ACAD11: variants seen among roughly 807,000 people sequenced by gnomAD.
ACAD11 encodes acyl-Coenzyme A dehydrogenase family, member 11.
ACAD11 carries 83 observed loss-of-function variants against 102.2 expected under a neutral mutation model. The ratio of observed to expected loss-of-function variants is 0.81; its 90% CI spans 0.68 to 0.97. The LOEUF (loss-of-function observed/expected upper bound fraction) is 0.97. Among genes scored for constraint, ACAD11 ranks in the 50% least tolerant of loss-of-function variants. The pLI is 0.00. For missense variants in ACAD11, 901 were observed against 951.7 expected (o/e 0.95, Z 0.70); for synonymous variants, 324 against 319.8 (o/e 1.01, Z -0.14).
chr3:132,565,730 G>A (rs1937190870), intron 17 of ACAD11, among the ~76,000 whole-genome samples: 1 of 152,162 alleles, frequency 6.6e-6, no homozygotes, highest in African/African-American at 2.4e-5. Flanking sequence ...CTTCTCTTCA[G>A]TAATGAGTTC....
intron 8 of ACAD11, among the ~76,000 whole-genome samples, 192 bp downstream of exon 8, chr3:132,628,148 C>T (rs2305627): frequency 0.37 from 56,825 of 151,956 alleles, 13,330 homozygotes; most frequent in East Asian, 0.71. Context: ...AACCTAAATA[C>T]GGAGATTTTC....
At chr3:132,570,804 C>T (rs1937352976) in intron 17 of ACAD11, among the ~76,000 whole-genome samples, 1 of 152,094 alleles carries the variant, frequency 6.6e-6, no homozygotes, top group South Asian at 2.1e-4. Flanking sequence ...GGATAATGAC[C>T]TCCAGCTCTA....
At chr3:132,649,098 G>A (rs987794573) in intron 1 of ACAD11, among the ~76,000 whole-genome samples, 4 of 152,240 alleles carry the variant, frequency 2.6e-5, no homozygotes, top group South Asian at 2.1e-4. Flanking sequence ...GCGGAAAGCC[G>A]CAGGGACCTC....
intron 13 of ACAD11, among the ~76,000 whole-genome samples, chr3:132,588,572 T>A (rs1032229174): frequency 6.6e-6 from 1 of 152,182 alleles, no homozygotes; most frequent in Non-Finnish European, 1.5e-5. Context: ...CCTCCATTAT[T>A]CCATACTATA....
At chr3:132,626,232 C>T (rs1298684510) in intron 9 of ACAD11, among the ~76,000 whole-genome samples, 1 of 152,148 alleles carries the variant, frequency 6.6e-6, no homozygotes, top group Non-Finnish European at 1.5e-5. Flanking sequence ...TCTCTACTCT[C>T]AGTGAACTTA....
intron 13 of ACAD11, chr3:132,601,767 T>C (rs978684789): frequency 1.9e-5 from 8 of 411,380 alleles, no homozygotes; most frequent in African/African-American, 1.7e-4. Flanking sequence ...TATACAAATC[T>C]ACACAAGTGA....
intron 1 of ACAD11, chr3:132,647,364 G>C (rs573827476): frequency 6.6e-6 from 1 of 152,302 alleles, no homozygotes; most frequent in South Asian, 2.1e-4. Context: ...TTGGTGCTGA[G>C]AGAAATGTGT....
intron 4 of ACAD11, among the ~76,000 whole-genome samples, chr3:132,641,689 AGAGGAAGAG>A (rs1168910381): frequency 1.4e-4 from 18 of 129,298 alleles, no homozygotes; most frequent in East Asian, 2.5e-4. Flanking sequence ...AGGAAGAGGA[AGAGGAAGAG>A]GAAGAAGAAG....
intron 5 of ACAD11, among the ~76,000 whole-genome samples, chr3:132,634,373 T>C (rs888853900): frequency 1.4e-4 from 22 of 152,194 alleles, no homozygotes; most frequent in African/African-American, 4.8e-4. Flanking sequence ...CTCACACCAG[T>C]TAGAATGGCG....
intron 1 of ACAD11, among the ~76,000 whole-genome samples, chr3:132,659,190 C>G (rs1937990012): frequency 6.6e-6 from 1 of 152,166 alleles, no homozygotes; most frequent in South Asian, 2.1e-4. Context: ...GATCCTCCAT[C>G]TGGTGTCATT....
At chr3:132,588,681 A>G (rs1035025869) in intron 13 of ACAD11, among the ~76,000 whole-genome samples, 2 of 152,202 alleles carry the variant, frequency 1.3e-5, no homozygotes, top group Admixed American at 6.5e-5. Flanking sequence ...TCTTGTTTTA[A>G]TCAGTTCAGA....
At chr3:132,641,318 C>T (rs1054127492) in intron 4 of ACAD11, among the ~76,000 whole-genome samples, 10 of 151,850 alleles carry the variant, frequency 6.6e-5, no homozygotes, top group African/African-American at 9.7e-5. Flanking sequence ...CTGAGGCGGG[C>T]GGATCACGAG....
intron 13 of ACAD11, among the ~76,000 whole-genome samples, chr3:132,580,562 A>G (rs1363749465): frequency 6.6e-6 from 1 of 152,054 alleles, no homozygotes; most frequent in African/African-American, 2.4e-5. Flanking sequence ...CAAACAAAAT[A>G]AAAAGTATTA....
intron 13 of ACAD11, among the ~76,000 whole-genome samples, chr3:132,593,534 C>T (rs1418878854): frequency 6.6e-6 from 1 of 152,146 alleles, no homozygotes; most frequent in Admixed American, 6.6e-5. Context: ...TAAAACAACA[C>T]ATTCTATTGA....
intron 11 of ACAD11, chr3:132,618,368 G>T: frequency 7.9e-6 from 3 of 378,100 alleles, no homozygotes; most frequent in Non-Finnish European, 1.4e-5. Flanking sequence ...ATGGATCCAT[G>T]ATCCATGATC....
At chr3:132,655,309 T>G (rs995018585) in intron 1 of ACAD11, among the ~76,000 whole-genome samples, 22 of 152,176 alleles carry the variant, frequency 1.4e-4, no homozygotes, top group Non-Finnish European at 7.3e-5. Flanking sequence ...TTCTGTTTTT[T>G]TTGTTGTTGT....
In ACAD11 at chr3:132,622,581, C is replaced by A. The variant is rs952365260; in HGVS notation, c.1198-3036G>T. On this transcript the variant is annotated intron_variant, in intron 9 of 19. Coordinates refer to ENST00000264990, the MANE Select transcript of ACAD11 (RefSeq NM_032169.5). ...TTTGTATTATTTAATACTTTGAGTT[C>A]TAAATTTTATCCATTTAGATATCTG... 2.6e-5 allele frequency among the ~76,000 whole-genome samples: 4 copies of A among 152,046 alleles called. No individual in the cohort carries two copies. In the South Asian group the frequency reaches 8.3e-4, roughly 32 times the overall value.
intron 11 of ACAD11, among the ~76,000 whole-genome samples, chr3:132,618,052 C>T (rs1274835027): frequency 6.6e-6 from 1 of 152,154 alleles, no homozygotes; most frequent in Non-Finnish European, 1.5e-5. Flanking sequence ...CTCTATTCTG[C>T]TGTTTTTTTC....
intron 13 of ACAD11, among the ~76,000 whole-genome samples, chr3:132,588,621 C>T (rs962286442): frequency 3.3e-5 from 5 of 152,086 alleles, no homozygotes; most frequent in Admixed American, 6.6e-5. Flanking sequence ...TGAAATGCAA[C>T]GGCTTTAAAA....
Sources: gnomAD v4.1 joint callset for allele counts (sites outside exome capture counted in the v4.1 genomes callset) on GRCh38, gnomAD v4.1.1 for gene constraint, MANE v1.5 for transcripts, NCBI Gene and HGNC (gene_info 2026-07-23, HGNC 2026-07-21) for gene names.